The following ENTPD1 variants were observed in gnomAD, a reference collection of about 807,000 sequenced individuals.
ENTPD1 encodes the protein ATP diphosphohydrolase.
In ENTPD1, 33 loss-of-function variants were observed where a neutral mutation model predicts 57.0. That is an observed-to-expected ratio of 0.58 (90% CI 0.44 to 0.77). ENTPD1 has a LOEUF of 0.77. ENTPD1 is among the 30% of genes least tolerant of loss of function. ENTPD1 has a pLI of 0.00. For missense variants in ENTPD1, 501 were observed against 603.4 expected (o/e 0.83, Z 1.78); for synonymous variants, 202 against 218.8 (o/e 0.92, Z 0.68).
upstream of ENTPD1, chr10:95,756,145 T>C: frequency 1.3e-6 from 2 of 1,553,320 alleles, no homozygotes; most frequent in Non-Finnish European, 1.7e-6. Context: ...TATCTCTGTT[T>C]CCTTGAGGAC....
intron 1 of ENTPD1, among the ~76,000 whole-genome samples, chr10:95,820,006 T>C (rs1807875969): frequency 1.3e-5 from 2 of 152,214 alleles, no homozygotes; most frequent in Admixed American, 6.5e-5. Context: ...TCATGGGATC[T>C]GAAAGCACTC....
chr10:95,752,804 T>A (rs2098014203), upstream of ENTPD1, among the ~76,000 whole-genome samples: 1 of 152,100 alleles, frequency 6.6e-6, no homozygotes, highest in Non-Finnish European at 1.5e-5. Flanking sequence ...AATGCTGGGG[T>A]TACACGGTGA....
chr10:95,848,529 G>A (rs370788868), intron 7 of ENTPD1, among the ~76,000 whole-genome samples: 4 of 152,128 alleles, frequency 2.6e-5, no homozygotes, highest in African/African-American at 9.7e-5. Context: ...GATATTGCTG[G>A]TGATAATCTC....
At chr10:95,795,292 G>A (rs2098221615) in intron 1 of ENTPD1, among the ~76,000 whole-genome samples, 1 of 152,046 alleles carries the variant, frequency 6.6e-6, no homozygotes, top group Non-Finnish European at 1.5e-5. Flanking sequence ...GGTGGGGAAG[G>A]AATACAGGAT....
At chr10:95,841,659 G>C (rs896828326) in intron 3 of ENTPD1, among the ~76,000 whole-genome samples, 2 of 152,194 alleles carry the variant, frequency 1.3e-5, no homozygotes, top group African/African-American at 4.8e-5. Flanking sequence ...TGATAGTGTA[G>C]ATATTTATCT....
At chr10:95,712,819 G>A in intron 1 of ENTPD1, among the ~76,000 whole-genome samples, 1 of 152,134 alleles carries the variant, frequency 6.6e-6, no homozygotes, top group East Asian at 1.9e-4. Flanking sequence ...CAGATCATGA[G>A]GTCAGGAGAT....
chr10:95,845,751 AC>A, intron 6 of ENTPD1, 155 bp downstream of exon 6: 1 of 1,278,236 alleles, frequency 7.8e-7, no homozygotes. Context: ...CATCTGGTTG[AC>A]CCCTATAAAT....
chr10:95,862,045 C>A (rs1477274776), intron 8 of ENTPD1, among the ~76,000 whole-genome samples: 1 of 151,716 alleles, frequency 6.6e-6, no homozygotes, highest in Admixed American at 6.6e-5. Flanking sequence ...CTCTTATCCA[C>A]ATCTCATGTT....
chr10:95,805,376 T>A (rs911691692), intron 1 of ENTPD1, among the ~76,000 whole-genome samples: 4 of 152,218 alleles, frequency 2.6e-5, no homozygotes, highest in African/African-American at 4.8e-5. Flanking sequence ...TTTGAGCCTA[T>A]GTGCATTCGT....
chr10:95,795,368 G>T (rs912746968), intron 1 of ENTPD1, among the ~76,000 whole-genome samples: 1 of 152,116 alleles, frequency 6.6e-6, no homozygotes, highest in South Asian at 2.1e-4. Context: ...TGAATATTGA[G>T]TTATAGAAAG....
intron 1 of ENTPD1, among the ~76,000 whole-genome samples, chr10:95,733,202 G>T (rs2097991178): frequency 6.6e-6 from 1 of 152,172 alleles, no homozygotes; most frequent in African/African-American, 2.4e-5. Context: ...GCTGAGAAAA[G>T]GAATTCAGCA....
chr10:95,748,323 A>G (rs1205905974), intron 1 of ENTPD1, among the ~76,000 whole-genome samples: 1 of 152,258 alleles, frequency 6.6e-6, no homozygotes, highest in African/African-American at 2.4e-5. Context: ...TTTCTTAAAT[A>G]ACAGTAATAA....
At chr10:95,735,111 A>G (rs575105706) in intron 1 of ENTPD1, among the ~76,000 whole-genome samples, 41 of 146,470 alleles carry the variant, frequency 2.8e-4, no homozygotes, top group African/African-American at 1.0e-3. Flanking sequence ...GGCTCACTGC[A>G]GCCTCCACCT....
chr10:95,840,805 T>C (rs527918480), intron 3 of ENTPD1, among the ~76,000 whole-genome samples: 1 of 152,324 alleles, frequency 6.6e-6, no homozygotes, highest in South Asian at 2.1e-4. Flanking sequence ...TTATCTCTCT[T>C]AGCCTTTTGA....
intron 1 of ENTPD1, among the ~76,000 whole-genome samples, chr10:95,748,168 C>T (rs1327745698): frequency 3.3e-5 from 5 of 152,218 alleles, no homozygotes; most frequent in African/African-American, 4.8e-5. Context: ...CCACCGCACC[C>T]GGCCCAAATT....
At chr10:95,866,108 A>G (rs2098473986) in intron 9 of ENTPD1, 69 bp from the exon 10 acceptor site, 2 of 1,548,478 alleles carry the variant, frequency 1.3e-6, no homozygotes, top group Non-Finnish European at 1.8e-6. Flanking sequence ...TGATCCAATA[A>G]TTCTAAGCCC....
chr10:95,871,433 T>A lies in ENTPD1; in HGVS notation c.*5050T>A, dbSNP rs2098480298. On this transcript the variant is annotated 3_prime_UTR_variant, in exon 10 of 10. Transcript: ENST00000371205. ...GCCTCGCATTCTAAACTGGTAGATGTCCTAGGAAACCATACATCTATGTAT... is the reference window on the plus strand; with the variant it reads ...GCCTCGCATTCTAAACTGGTAGATGACCTAGGAAACCATACATCTATGTAT... 1.0e-6 allele frequency: 1 copy of A among 985,428 alleles called. No individual in the cohort carries two copies. The highest frequency in any genetic ancestry group is 1.2e-6 in the Non-Finnish European group (1 of 829,922). The allele number at this position is 985,428 out of a possible 1,614,324, so 61.0% of individuals were successfully genotyped here.
At position 95,823,376 on chromosome 10, in the gene ENTPD1, A is replaced by G. The variant is rs779796722; in HGVS notation, c.144+12A>G. ...CAGAAAACGTTAAGGTAAGTCAAAT[A>G]TATCTGTGTGTTTGTGTGTATGTAA... On this transcript the variant is annotated intron_variant, in intron 2 of 9. Coordinates refer to ENST00000371205, the MANE Select transcript of ENTPD1 (RefSeq NM_001776.6). 1.2e-5 allele frequency: 19 copies of G among 1,613,754 alleles called. No individual in the cohort carries two copies. Among genetic ancestry groups the G allele is most frequent in the Non-Finnish European group, 1.4e-5 (17 of 1,179,784 alleles).
intron 1 of ENTPD1, among the ~76,000 whole-genome samples, chr10:95,794,239 G>A (rs2098217305): frequency 6.6e-6 from 1 of 151,782 alleles, no homozygotes; most frequent in Non-Finnish European, 1.5e-5. Flanking sequence ...GAATCACAGA[G>A]GCCAAAAATG....
Sources: gnomAD v4.1 joint callset for allele counts (sites outside exome capture counted in the v4.1 genomes callset) on GRCh38, gnomAD v4.1.1 for gene constraint, MANE v1.5 for transcripts, NCBI Gene and HGNC (gene_info 2026-07-23, HGNC 2026-07-21) for gene names.